The following NRG1 variants were observed in gnomAD, a reference collection of about 807,000 sequenced individuals.
NRG1 encodes pro-neuregulin-1, membrane-bound isoform.
In NRG1, 18 loss-of-function variants were observed where a neutral mutation model predicts 63.8. The ratio of observed to expected loss-of-function variants is 0.28; its 90% CI spans 0.19 to 0.42. The LOEUF is 0.42. NRG1 is among the 10% of genes least tolerant of loss of function. The pLI is 1.00. For missense variants in NRG1, 762 were observed against 814.7 expected (o/e 0.94, Z 0.79); for synonymous variants, 302 against 301.3 (o/e 1.00, Z -0.02).
intron 1 of NRG1, among the ~76,000 whole-genome samples, chr8:32,255,046 T>C (rs1163825009): frequency 4.6e-5 from 7 of 152,234 alleles, no homozygotes; most frequent in Non-Finnish European, 1.0e-4. Flanking sequence ...CATATCTTGG[T>C]AAATATTCCT....
At chr8:31,892,358 T>A (rs576034293) in intron 1 of NRG1, among the ~76,000 whole-genome samples, 1 of 152,254 alleles carries the variant, frequency 6.6e-6, no homozygotes, top group African/African-American at 2.4e-5. Flanking sequence ...GTTTCATTTC[T>A]GTTTTAGTAA....
chr8:31,896,325 G>T (rs1258340287), intron 1 of NRG1, among the ~76,000 whole-genome samples: 1 of 152,170 alleles, frequency 6.6e-6, no homozygotes, highest in African/African-American at 2.4e-5. Flanking sequence ...TAGGCTTTCT[G>T]TAATACTCCT....
At chr8:32,197,397 A>G (rs552943658) in intron 1 of NRG1, among the ~76,000 whole-genome samples, 51 of 152,132 alleles carry the variant, frequency 3.4e-4, no homozygotes, top group African/African-American at 1.2e-3. Flanking sequence ...CTCATCACCT[A>G]TTGTTTCATG....
chr8:32,019,661 G>A (rs1816129073), intron 1 of NRG1, among the ~76,000 whole-genome samples: 1 of 152,130 alleles, frequency 6.6e-6, no homozygotes, highest in Non-Finnish European at 1.5e-5. Context: ...TGGTGTTTTA[G>A]TTCTGTGTTT....
rs150782958 is a variant in NRG1, at chr8:32,014,532, C to T, written c.37+375101C>T. On this transcript the variant is annotated intron_variant, in intron 1 of 10. Transcript: ENST00000519301. ...GAGAGACTAGAGGAGCCAAGGAACA[C>T]GTAGGTAGGGTGAGATAACAGAAGA... is the stretch of plus-strand genomic sequence containing the variant. Among the ~76,000 whole-genome samples the T allele has an allele frequency of 4.6e-3, 699 of 151,988 alleles. 6 individuals are homozygous for T. Among genetic ancestry groups the T allele is most frequent in the African/African-American group, 0.016 (669 of 41,450 alleles).
At chr8:32,190,909 T>G (rs1433657799) in intron 1 of NRG1, among the ~76,000 whole-genome samples, 1 of 152,094 alleles carries the variant, frequency 6.6e-6, no homozygotes, top group Non-Finnish European at 1.5e-5. Flanking sequence ...GAGTTTAGGG[T>G]ACCCCCAAAT....
intron 1 of NRG1, among the ~76,000 whole-genome samples, chr8:32,217,802 A>C (rs1845399352): frequency 6.6e-6 from 1 of 152,198 alleles, no homozygotes; most frequent in African/African-American, 2.4e-5. Flanking sequence ...TCTGGTATAC[A>C]TCATAGAACA....
chr8:32,041,636 C>T (rs760943140), intron 1 of NRG1, among the ~76,000 whole-genome samples: 32 of 152,088 alleles, frequency 2.1e-4, no homozygotes, highest in East Asian at 3.9e-4. Context: ...GCTCTCAGGA[C>T]GAGAAAGTAG....
chr8:31,825,478 T>C lies in NRG1; in HGVS notation c.37+186047T>C, dbSNP rs76813285. Among the ~76,000 whole-genome samples the C allele has an allele frequency of 2.5e-3, 374 of 151,458 alleles. 9 individuals carry two copies. In the East Asian group the frequency reaches 0.062, roughly 25 times the overall value. ...CATTCAAAGAGCAGGGAAAGGAGAG[T>C]GTCTGAACAGAGGAATTTCTAAAAA... On this transcript the variant is annotated intron_variant, in intron 1 of 10. Transcript: ENST00000519301.
intron 1 of NRG1, among the ~76,000 whole-genome samples, chr8:32,015,975 T>A (rs775591120): frequency 5.3e-5 from 8 of 152,208 alleles, no homozygotes; most frequent in Non-Finnish European, 1.0e-4. Context: ...ACAGCAGCTC[T>A]ACAATTCTGT....
intron 1 of NRG1, among the ~76,000 whole-genome samples, chr8:31,648,124 C>CTTTTTTTTTTTTTTTTT (rs36074483): frequency 3.9e-5 from 2 of 51,274 alleles, no homozygotes; most frequent in African/African-American, 1.9e-4. Flanking sequence ...TTTGACTACT[C>CTTTTTTTTTTTTTTTTT]TTTTTTTTTT....
chr8:32,058,107 A>C (rs551967224), intron 1 of NRG1, among the ~76,000 whole-genome samples: 2 of 152,246 alleles, frequency 1.3e-5, no homozygotes, highest in Admixed American at 6.5e-5. Flanking sequence ...CGTGTAGCCC[A>C]AAAATATGTA....
rs559375163 is a variant in NRG1, at chr8:32,707,674, A to T, written c.503-20275A>T. Among the ~76,000 whole-genome samples the T allele has an allele frequency of 2.0e-5, 3 of 152,084 alleles. No individual in the cohort carries two copies. The East Asian group carries it at 5.8e-4, about 29-fold the overall frequency. ...TCCCCTGGTGTGTTTGAAGCTGTGCACTCTGCAAACACATAAATAAAAATA... is the reference window on the plus strand; with the variant it reads ...TCCCCTGGTGTGTTTGAAGCTGTGCTCTCTGCAAACACATAAATAAAAATA... On this transcript the variant is annotated intron_variant, in intron 5 of 11. Transcript: ENST00000356819.
chr8:31,974,797 A>T (rs1366861776), intron 1 of NRG1, among the ~76,000 whole-genome samples: 1 of 152,236 alleles, frequency 6.6e-6, no homozygotes, highest in Admixed American at 6.5e-5. Flanking sequence ...TGGTTATTTT[A>T]AAGCTGATTG....
chr8:32,391,700 T>C (rs573601157), intron 1 of NRG1, among the ~76,000 whole-genome samples: 1 of 152,334 alleles, frequency 6.6e-6, no homozygotes, highest in South Asian at 2.1e-4. Context: ...GATCTCGTTC[T>C]TTTTTATGGC....
At chr8:32,700,810 C>T (rs1316227004) in intron 5 of NRG1, among the ~76,000 whole-genome samples, 1 of 152,164 alleles carries the variant, frequency 6.6e-6, no homozygotes, top group Non-Finnish European at 1.5e-5. Flanking sequence ...CAGATTAATG[C>T]ATATTCTTGC....
intron 1 of NRG1, among the ~76,000 whole-genome samples, chr8:32,044,297 T>C (rs1288493866): frequency 1.3e-5 from 2 of 151,756 alleles, no homozygotes; most frequent in Non-Finnish European, 3.0e-5. Context: ...AGCATCAAAA[T>C]ACGTGAAGTA....
chr8:32,067,951 C>T (rs190605832), intron 1 of NRG1, among the ~76,000 whole-genome samples: 292 of 152,230 alleles, frequency 1.9e-3, no homozygotes, highest in Non-Finnish European at 2.8e-3. Flanking sequence ...CTGTTAGCAT[C>T]CTTTTTCAAT....
chr8:32,616,851 A>G, exon 5 of NRG1: 2 of 1,601,942 alleles, frequency 1.2e-6, no homozygotes, highest in South Asian at 1.1e-5. Context: ...CCATTAGAAT[A>G]TCAGTATCCA....
Sources: gnomAD v4.1 joint callset for allele counts (sites outside exome capture counted in the v4.1 genomes callset) on GRCh38, gnomAD v4.1.1 for gene constraint, MANE v1.5 for transcripts, NCBI Gene and HGNC (gene_info 2026-07-23, HGNC 2026-07-21) for gene names.